The following TMTC4 variants were observed in gnomAD, a reference collection of about 807,000 sequenced individuals.
TMTC4 encodes protein O-mannosyl-transferase TMTC4.
Under a neutral mutation model 86.0 loss-of-function variants are expected in TMTC4, and 65 were observed. That is an observed-to-expected ratio of 0.76 (90% CI 0.62 to 0.93). The LOEUF is 0.93. Among genes scored for constraint, TMTC4 ranks in the 40% least tolerant of loss-of-function variants. The pLI, the probability that TMTC4 is intolerant of heterozygous loss-of-function variation, is 0.00. For synonymous variants in TMTC4, 379 were observed against 382.5 expected (o/e 0.99, Z 0.11); for missense variants, 866 against 948.1 (o/e 0.91, Z 1.14).
chr13:100,667,078 G>A (rs1241319023), intron 3 of TMTC4, among the ~76,000 whole-genome samples: 1 of 152,196 alleles, frequency 6.6e-6, no homozygotes, highest in Admixed American at 6.5e-5. Flanking sequence ...AACTGAAACA[G>A]AATCATCTAC....
rs765361590 is a variant in TMTC4 at position 100,642,362 on chromosome 13, T to A, written c.641-51A>T. On this transcript the variant is annotated intron_variant, in intron 6 of 18. Transcript: ENST00000342624. Reference sequence around the variant, plus strand: ...GCAAAAGTCATGGAATGCAGCTCAGTTTTTTAGCATCAGGAACTAAAATTC... The same window carrying A: ...GCAAAAGTCATGGAATGCAGCTCAGATTTTTAGCATCAGGAACTAAAATTC... 7 of 1,592,248 alleles carry A rather than the reference T, an allele frequency of 4.4e-6. No individual in the cohort carries two copies. The Admixed American group carries it at 6.8e-5, about 16-fold the overall frequency.
intron 3 of TMTC4, among the ~76,000 whole-genome samples, chr13:100,665,367 C>CCAT (rs1391866984): frequency 2.0e-5 from 3 of 152,226 alleles, no homozygotes; most frequent in South Asian, 4.1e-4. Flanking sequence ...CCCGGGTTGT[C>CCAT]CATCAAGATT....
intron 15 of TMTC4, among the ~76,000 whole-genome samples, chr13:100,616,887 T>C (rs902589449): frequency 2.4e-4 from 36 of 152,234 alleles, no homozygotes; most frequent in African/African-American, 8.4e-4. Context: ...TGTTGATTTG[T>C]TACTTATAGA....
At chr13:100,627,904 C>T (rs1355625529) in intron 12 of TMTC4, among the ~76,000 whole-genome samples, 1 of 152,006 alleles carries the variant, frequency 6.6e-6, no homozygotes, top group Non-Finnish European at 1.5e-5. Context: ...TGGCTGCAGT[C>T]CTAGGAGAGA....
intron 1 of TMTC4, among the ~76,000 whole-genome samples, chr13:100,673,834 C>T (rs1405953379): frequency 2.0e-5 from 3 of 152,106 alleles, no homozygotes; most frequent in Non-Finnish European, 2.9e-5. Context: ...GGGGCGCGCC[C>T]GGCGCAGACA....
At chr13:100,674,349 C>T in intron 1 of TMTC4, 3 of 978,492 alleles carry the variant, frequency 3.1e-6, no homozygotes, top group Non-Finnish European at 3.6e-6. Flanking sequence ...GCGCGGGGCC[C>T]CGCGGCCAGA....
At chr13:100,637,073 C>T (rs1286462298) in intron 9 of TMTC4, among the ~76,000 whole-genome samples, 3 of 152,134 alleles carry the variant, frequency 2.0e-5, no homozygotes, top group Admixed American at 1.3e-4. Flanking sequence ...ACATAACAGG[C>T]TTCGATGGCT....
intron 17 of TMTC4, among the ~76,000 whole-genome samples, chr13:100,607,003 C>T (rs1876731108): frequency 6.6e-6 from 1 of 152,206 alleles, no homozygotes; most frequent in South Asian, 2.1e-4. Context: ...TCTTGCACAG[C>T]CTTGCATTTC....
chr13:100,632,049 A>ACT (rs1327207673), intron 12 of TMTC4, among the ~76,000 whole-genome samples: 6 of 77,286 alleles, frequency 7.8e-5, no homozygotes, highest in African/African-American at 1.3e-4. Context: ...ACACACACAC[A>ACT]CACACTCTCT....
In TMTC4 at chr13:100,625,583, A is replaced by G. The variant is rs945285629; in HGVS notation, c.1788T>C (p.Ile596=). 3 of 1,614,038 alleles carry G rather than the reference A, an allele frequency of 1.9e-6. No individual in the cohort carries two copies. The South Asian group carries it at 3.3e-5, about 18-fold the overall frequency. Residue 596 remains isoleucine (I), a synonymous_variant, in exon 15 of 19, where the codon ATT becomes ATC. Coordinates refer to ENST00000342624, the MANE Select transcript of TMTC4 (RefSeq NM_032813.5). The part of the protein sequence containing the change: ...EAAEQSYRTA[I]KHRRKYPDCY... ...AGTCTGGGTATTTCCTTCTGTGTTT[A>G]ATTGCTGTCCGGTAACTTTGCTCTG...
intron 4 of TMTC4, 112 bp downstream of exon 4, chr13:100,664,109 G>A (rs1886122438): frequency 2.2e-6 from 2 of 891,172 alleles, no homozygotes; most frequent in South Asian, 1.9e-5. Flanking sequence ...GACCCCACCT[G>A]GAGCCACTGA....
At chr13:100,628,061 C>G (rs1015577404) in intron 12 of TMTC4, among the ~76,000 whole-genome samples, 2 of 152,156 alleles carry the variant, frequency 1.3e-5, no homozygotes, top group African/African-American at 4.8e-5. Flanking sequence ...ACATTCAGGA[C>G]AGAATGGGTG....
Position 100,605,041 on chromosome 13 carries a change from CG to C in TMTC4, c.2235del (p.Tyr745Ter), listed in dbSNP as rs1876357161. 1 of 1,614,012 alleles carries C rather than the reference CG, an allele frequency of 6.2e-7. No individual in the cohort carries two copies. Among genetic ancestry groups the C allele is most frequent in the Non-Finnish European group, 8.5e-7 (1 of 1,179,992 alleles). ...DPTASGTKEN[Y>X]GLLRRKLELM... ...AGTTCTAGCTTTCTTCTCAGCAGAC[CG>C]TAATTCTCCTTAGTTCCTGATGCCG... On this transcript the variant is annotated frameshift_variant, in exon 19 of 19. Transcript: ENST00000342624. LOFTEE classifies it high-confidence loss of function. The surrounding 1 kb of genome is among the most constrained non-coding windows in gnomAD (Gnocchi z 4.3).
chr13:100,624,399 T>A (rs1225542279), intron 15 of TMTC4: 1 of 152,258 alleles, frequency 6.6e-6, no homozygotes, highest in Non-Finnish European at 1.5e-5. Context: ...CCAGAAGCCA[T>A]GGCACGCACC....
chr13:100,606,402 G>A lies in TMTC4; in HGVS notation c.2090C>T (p.Ala697Val). Reference sequence around the variant, plus strand: ...TGCAGCATTTGGATTTGCTTTAATTGCCTTGAGGAATAAAGCTTCAGATTC... The same window carrying A: ...TGCAGCATTTGGATTTGCTTTAATTACCTTGAGGAATAAAGCTTCAGATTC... ...YKESEALFLK[A>V]IKANPNAASY... The change falls in exon 18 of 19, where the codon GCA (alanine) becomes GTA (valine). Residue 697 changes from alanine to valine, a missense_variant. By Grantham distance (64) the Ala-to-Val change is moderately conservative. Coordinates refer to ENST00000342624, the MANE Select transcript of TMTC4 (RefSeq NM_032813.5). 1 of 1,613,244 alleles carries A rather than the reference G, an allele frequency of 6.2e-7. No individual in the cohort carries two copies. The highest frequency in any genetic ancestry group is 1.7e-5 in the Admixed American group (1 of 59,898).
intron 6 of TMTC4, 94 bp from the exon 7 acceptor site, chr13:100,642,405 C>T (rs758240131): frequency 7.2e-7 from 1 of 1,387,504 alleles, no homozygotes; most frequent in Non-Finnish European, 1.0e-6. Context: ...ATACCTTAAA[C>T]AACCATAACT....
chr13:100,673,449 T>C (rs1191250025), intron 1 of TMTC4, among the ~76,000 whole-genome samples: 2 of 152,240 alleles, frequency 1.3e-5, no homozygotes, highest in Non-Finnish European at 2.9e-5. Context: ...CCAGCCATCC[T>C]ATGCACGCTG....
intron 3 of TMTC4, chr13:100,666,104 T>C (rs771229236): frequency 9.7e-5 from 44 of 453,142 alleles, no homozygotes; most frequent in Non-Finnish European, 1.6e-4. Context: ...CACAGCAGGG[T>C]GTGCTACAGA....
At chr13:100,643,856 T>A (rs1029262011) in intron 6 of TMTC4, among the ~76,000 whole-genome samples, 1 of 152,192 alleles carries the variant, frequency 6.6e-6, no homozygotes, top group African/African-American at 2.4e-5. Context: ...AGTGGGTGGC[T>A]GATCAGCCAC....
Sources: gnomAD v4.1 joint callset for allele counts (sites outside exome capture counted in the v4.1 genomes callset) on GRCh38, gnomAD v4.1.1 for gene constraint, Gnocchi (gnomAD v3.1) non-coding constraint, MANE v1.5 for transcripts, NCBI Gene and HGNC (gene_info 2026-07-23, HGNC 2026-07-21) for gene names.